The following OPCML variants were observed in gnomAD, a reference collection of about 807,000 sequenced individuals.
OPCML encodes the protein opioid binding protein/cell adhesion molecule like.
In OPCML, 13 loss-of-function variants were observed where a neutral mutation model predicts 37.8. The ratio of observed to expected loss-of-function variants is 0.34; its 90% CI spans 0.22 to 0.55. The LOEUF (loss-of-function observed/expected upper bound fraction) is 0.55, where lower values mean the gene tolerates loss of function less well. OPCML is among the 20% of genes least tolerant of loss of function. OPCML has a pLI of 0.91. For missense variants in OPCML, 341 were observed against 435.6 expected (o/e 0.78, Z 1.93); for synonymous variants, 176 against 168.8 (o/e 1.04, Z -0.33).
intron 2 of OPCML, among the ~76,000 whole-genome samples, chr11:132,669,922 C>A (rs1327949993): frequency 6.6e-6 from 1 of 152,068 alleles, no homozygotes; most frequent in Non-Finnish European, 1.5e-5. Flanking sequence ...GGGAGCTACC[C>A]ACTGACTAGT....
chr11:132,683,644 T>C (rs1156775714), intron 2 of OPCML, among the ~76,000 whole-genome samples: 2 of 152,202 alleles, frequency 1.3e-5, no homozygotes, highest in African/African-American at 4.8e-5. Flanking sequence ...AAACCATAAC[T>C]CATGCATTCA....
intron 2 of OPCML, among the ~76,000 whole-genome samples, chr11:132,801,664 T>C (rs1025222680): frequency 3.9e-5 from 6 of 152,200 alleles, no homozygotes; most frequent in Non-Finnish European, 7.3e-5. Flanking sequence ...GAAACTGAGA[T>C]GGGTATATAA....
chr11:132,606,583 T>C (rs1440533650), intron 3 of OPCML, among the ~76,000 whole-genome samples: 1 of 151,980 alleles, frequency 6.6e-6, no homozygotes, highest in Admixed American at 6.6e-5. Context: ...CCACTTTCTG[T>C]CTCTACACCA....
intron 1 of OPCML, among the ~76,000 whole-genome samples, chr11:132,994,300 C>T (rs530982645): frequency 1.3e-5 from 2 of 152,256 alleles, no homozygotes; most frequent in South Asian, 2.1e-4. Flanking sequence ...AGCCCAGGCG[C>T]GATTTTCTAA....
At chr11:133,323,210 A>C (rs1235952700) in intron 1 of OPCML, among the ~76,000 whole-genome samples, 1 of 152,196 alleles carries the variant, frequency 6.6e-6, no homozygotes, top group Non-Finnish European at 1.5e-5. Context: ...CCAGCTTCAC[A>C]GTCCACATGA....
At chr11:133,040,580 T>G (rs1215911626) in intron 1 of OPCML, among the ~76,000 whole-genome samples, 1 of 152,158 alleles carries the variant, frequency 6.6e-6, no homozygotes, top group Non-Finnish European at 1.5e-5. Context: ...TACTGAGGAC[T>G]TGGCTTGGAA....
chr11:132,673,283 TA>T (rs1942556833), intron 2 of OPCML, among the ~76,000 whole-genome samples: 1 of 151,794 alleles, frequency 6.6e-6, no homozygotes, highest in South Asian at 2.1e-4. Flanking sequence ...AAACCAAACA[TA>T]AAATGCATGA....
At chr11:132,763,931 G>A (rs1230064712) in intron 2 of OPCML, among the ~76,000 whole-genome samples, 2 of 152,186 alleles carry the variant, frequency 1.3e-5, no homozygotes, top group Non-Finnish European at 2.9e-5. Context: ...AAATCAACTT[G>A]TGAATATGAA....
intron 1 of OPCML, among the ~76,000 whole-genome samples, chr11:133,475,255 T>C (rs1947216195): frequency 1.3e-5 from 2 of 151,942 alleles, no homozygotes; most frequent in Admixed American, 1.3e-4. Flanking sequence ...TTTTGCCACC[T>C]AGCATCACGT....
intron 1 of OPCML, among the ~76,000 whole-genome samples, chr11:133,102,637 C>G (rs7112527): frequency 0.015 from 2,307 of 152,194 alleles, 54 homozygotes; most frequent in African/African-American, 0.052. Context: ...GTAGTCCCAG[C>G]TACTCAGGAG....
At chr11:133,274,541 G>C (rs2074970347) in intron 1 of OPCML, among the ~76,000 whole-genome samples, 1 of 152,224 alleles carries the variant, frequency 6.6e-6, no homozygotes, top group African/African-American at 2.4e-5. Context: ...GGCCCTGCCA[G>C]TGCCCTGGTT....
In OPCML at chr11:133,152,507, T is replaced by G. The variant is rs542262777; in HGVS notation, c.62-209497A>C. ...CCGGCCTCTTTCATACCTCTTGCAA[T>G]GCCCACCCTCCCTAATCCTCTCCAC... On this transcript the variant is annotated intron_variant, in intron 1 of 7. Transcript: ENST00000524381. Among the ~76,000 whole-genome samples the G allele has an allele frequency of 3.0e-3, 459 of 152,130 alleles. 1 individual carries two copies. Among genetic ancestry groups the G allele is most frequent in the Middle Eastern group, 0.01 (3 of 294 alleles).
At chr11:133,031,291 G>A (rs889007979) in intron 1 of OPCML, among the ~76,000 whole-genome samples, 1 of 151,856 alleles carries the variant, frequency 6.6e-6, no homozygotes, top group Admixed American at 6.6e-5. Flanking sequence ...TGTGTGCATG[G>A]GTGGATGGAT....
At position 132,446,737 on chromosome 11, in the gene OPCML, A is replaced by G. The variant is rs558899807; in HGVS notation, c.506-9378T>C. Among the ~76,000 whole-genome samples the G allele has an allele frequency of 2.6e-5, 4 of 152,300 alleles. No homozygotes were observed. The East Asian group carries it at 5.8e-4, about 22-fold the overall frequency. ...TAAAGTGAAATGAGTTCTGAGAAGT[A>G]AAAGTACTGCTTTAAAAAAAAACCT... is the stretch of plus-strand genomic sequence containing the variant. On this transcript the variant is annotated intron_variant, in intron 4 of 7. Transcript: ENST00000524381.
intron 2 of OPCML, among the ~76,000 whole-genome samples, chr11:132,816,799 A>T (rs1034279209): frequency 6.6e-6 from 1 of 152,210 alleles, no homozygotes; most frequent in Non-Finnish European, 1.5e-5. Context: ...CTCCACAGCC[A>T]TATCCTTCTT....
chr11:132,544,404 A>G (rs56345643), intron 3 of OPCML, among the ~76,000 whole-genome samples: 382 of 152,308 alleles, frequency 2.5e-3, no homozygotes, highest in African/African-American at 9.0e-3. Context: ...AATGTTTAAC[A>G]TGTCACAATG....
chr11:133,354,333 A>ATGC (rs1565588885), intron 1 of OPCML, among the ~76,000 whole-genome samples: 5 of 2,402 alleles, frequency 2.1e-3, no homozygotes, highest in African/African-American at 5.8e-3. Context: ...GGTGGTGATG[A>ATGC]TGGTGGTGGT....
intron 1 of OPCML, among the ~76,000 whole-genome samples, chr11:133,307,336 A>G (rs1183748952): frequency 6.6e-6 from 1 of 152,158 alleles, no homozygotes; most frequent in African/African-American, 2.4e-5. Context: ...GGGGTTATGT[A>G]GCTGGTCATG....
chr11:132,817,778 G>T (rs1184495169), intron 2 of OPCML, among the ~76,000 whole-genome samples: 1 of 151,774 alleles, frequency 6.6e-6, no homozygotes, highest in Non-Finnish European at 1.5e-5. Context: ...AAAAAAAAAT[G>T]TAATGGAAGA....
Sources: allele counts gnomAD v4.1 joint callset (sites outside exome capture counted in the v4.1 genomes callset), GRCh38; gene constraint gnomAD v4.1.1; transcripts MANE v1.5; gene names NCBI Gene and HGNC (gene_info 2026-07-23, HGNC 2026-07-21).